Variants in ZNF761 observed in about 807,000 individuals in gnomAD.
ZNF761 encodes zinc finger protein 761.
Under a neutral mutation model 59.9 loss-of-function variants are expected in ZNF761, and 43 were observed. That is an observed-to-expected ratio of 0.72 (90% CI 0.56 to 0.92). The LOEUF is 0.92. Among genes scored for constraint, ZNF761 ranks in the 40% least tolerant of loss-of-function variants. The pLI is 0.00. For missense variants in ZNF761, 850 were observed against 906.1 expected, an observed-to-expected ratio of 0.94 and a Z score of 0.79; for synonymous variants, 294 against 304.8, an observed-to-expected ratio of 0.96 and a Z score of 0.37.
At chr19:53,445,536 G>A (rs892166039) in intron 1 of ZNF761, among the ~76,000 whole-genome samples, 14 of 152,030 alleles carry the variant, frequency 9.2e-5, no homozygotes, top group Non-Finnish European at 1.5e-4. Context: ...GGAGATGAGG[G>A]GCTAGACCAG....
In ZNF761 at chr19:53,432,642, A is replaced by G. The variant is rs559874040; in HGVS notation, c.-185+614A>G. On this transcript the variant is annotated intron_variant, in intron 1 of 4. Coordinates refer to ENST00000684525, the MANE Select transcript of ZNF761 (RefSeq NM_001289951.2). ...CCGGGATGCAGGCGTCTTACTCCAA[A>G]CCCTCCTGTGACTGTGTGGGCCAAA... 9.9e-5 allele frequency among the ~76,000 whole-genome samples: 15 copies of G among 152,152 alleles called. 1 individual carries two copies. In the South Asian group the frequency reaches 3.1e-3, roughly 32 times the overall value.
intron 1 of ZNF761, chr19:53,442,232 G>A: frequency 1.7e-6 from 2 of 1,190,864 alleles, no homozygotes; most frequent in Non-Finnish European, 2.5e-6. Flanking sequence ...AGGCAGATGG[G>A]AAGTATGAAG....
Position 53,433,076 on chromosome 19 carries a change from G to A in ZNF761, c.-185+1048G>A, listed in dbSNP as rs564307427. Among the ~76,000 whole-genome samples the A allele has an allele frequency of 8.1e-4, 112 of 138,784 alleles. 1 individual carries two copies. The highest frequency in any genetic ancestry group is 3.3e-3 in the East Asian group (15 of 4,532). 91.0% of individuals were successfully genotyped at this position (138,784 alleles called of 152,430 possible). On this transcript the variant is annotated intron_variant, in intron 1 of 4. Coordinates refer to ENST00000684525, the MANE Select transcript of ZNF761 (RefSeq NM_001289951.2). ...TATAACAGGGAAGAGAGAATTTAAC[G>A]GGGAGAGCAAAGGAGGCGCAGAGAT...
chr19:53,437,395 G>C (rs73595246), intron 1 of ZNF761, among the ~76,000 whole-genome samples: 1,566 of 151,892 alleles, frequency 0.01, 26 homozygotes, highest in African/African-American at 0.035. Flanking sequence ...TGATGGATTT[G>C]CTTCACAAAC....
At chr19:53,453,180 T>A (rs1281187815) in intron 4 of ZNF761, among the ~76,000 whole-genome samples, 1 of 152,130 alleles carries the variant, frequency 6.6e-6, no homozygotes, top group Non-Finnish European at 1.5e-5. Flanking sequence ...TTTTTTGTAT[T>A]TTTAGTAGAG....
chr19:53,441,700 G>T lies in ZNF761; in HGVS notation c.-184-4527G>T, dbSNP rs2086102517. ...GACCTCAGGTGATCCACTCGCCTTGGCCTCCCCAAAGTGCTGGGATTACAG... is the reference window on the plus strand; with the variant it reads ...GACCTCAGGTGATCCACTCGCCTTGTCCTCCCCAAAGTGCTGGGATTACAG... On this transcript the variant is annotated intron_variant, in intron 1 of 4. Transcript: ENST00000684525. 5 of 548,758 alleles carry T rather than the reference G, an allele frequency of 9.1e-6. No individual in the cohort carries two copies. The South Asian group carries it at 9.1e-5, about 10-fold the overall frequency. The allele number at this position is 548,758 out of a possible 1,614,324, so 34.0% of individuals were successfully genotyped here. A position where few individuals can be genotyped will look rare whatever the true frequency, so the allele number is the denominator to read the frequency against.
intron 1 of ZNF761, among the ~76,000 whole-genome samples, chr19:53,445,791 A>C (rs1270803309): frequency 6.6e-6 from 1 of 152,204 alleles, no homozygotes; most frequent in Non-Finnish European, 1.5e-5. Flanking sequence ...AGGACATCAC[A>C]GCAAAATCTA....
chr19:53,445,638 C>G (rs1311339122), intron 1 of ZNF761, among the ~76,000 whole-genome samples: 1 of 151,642 alleles, frequency 6.6e-6, no homozygotes, highest in African/African-American at 2.4e-5. Context: ...AGGGGAGTGC[C>G]CAGCTGTAAT....
At position 53,457,209 on chromosome 19, in the gene ZNF761, C is replaced by T; in HGVS notation, c.*461C>T. 1 of 491,524 alleles carries T rather than the reference C, an allele frequency of 2.0e-6. No individual in the cohort carries two copies. The highest frequency in any genetic ancestry group is 1.6e-5 in the South Asian group (1 of 62,854). 30.4% of individuals were successfully genotyped at this position (491,524 alleles called of 1,614,324 possible). ...CAGTAATGCTACAACCATTGTGAATCACTGGAGAATCCATAAGGAAGAGAG... is the reference window on the plus strand; with the variant it reads ...CAGTAATGCTACAACCATTGTGAATTACTGGAGAATCCATAAGGAAGAGAG... On this transcript the variant is annotated 3_prime_UTR_variant, in exon 5 of 5. Transcript: ENST00000684525.
Position 53,456,564 on chromosome 19 carries a change from G to C in ZNF761, c.2057G>C (p.Gly686Ala), listed in dbSNP as rs372178677. 17 of 1,612,044 alleles carry C rather than the reference G, an allele frequency of 1.1e-5. No homozygotes were observed. Among genetic ancestry groups the C allele is most frequent in the Non-Finnish European group, 1.4e-5 (17 of 1,178,714 alleles). Reference sequence around the variant, plus strand: ...ATATGCCATCATAGACTTCATACTGGAGAGAAACCTTATAAGTGTAATGAG... The same window carrying C: ...ATATGCCATCATAGACTTCATACTGCAGAGAAACCTTATAAGTGTAATGAG... ...YFICHHRLHT[G>A]EKPYKCNECG... Residue 686 changes from glycine (G) to alanine (A), a missense_variant, in exon 5 of 5, where the codon GGA becomes GCA. By Grantham distance (60) the Gly-to-Ala change is moderately conservative (BLOSUM62 0). Coordinates refer to ENST00000684525, the MANE Select transcript of ZNF761 (RefSeq NM_001289951.2).
At chr19:53,434,171 G>A (rs1568797421) in intron 1 of ZNF761, among the ~76,000 whole-genome samples, 2 of 152,144 alleles carry the variant, frequency 1.3e-5, no homozygotes, top group East Asian at 1.9e-4. Flanking sequence ...CAATACCTTC[G>A]TGACTTATCT....
At chr19:53,452,178 G>A (rs569031728) in intron 4 of ZNF761, among the ~76,000 whole-genome samples, 1 of 152,044 alleles carries the variant, frequency 6.6e-6, no homozygotes, top group East Asian at 1.9e-4. Flanking sequence ...GTGAAACCTC[G>A]AATCTACTAA....
In ZNF761 at chr19:53,448,800, A is replaced by G. The variant is rs112047204; in HGVS notation, c.16-712A>G. On this transcript the variant is annotated intron_variant, in intron 3 of 4. Coordinates refer to ENST00000684525, the MANE Select transcript of ZNF761 (RefSeq NM_001289951.2). ...ATTTTTTTTTTTTTTTTTTTGAGAT[A>G]TAGTCTCTGTTGCCCAGGCTGGAGT... Among the ~76,000 whole-genome samples, 1,344 of 136,072 alleles carry G rather than the reference A, an allele frequency of 9.9e-3. 23 individuals are homozygous for G. Among genetic ancestry groups the G allele is most frequent in the African/African-American group, 0.035 (1,258 of 35,818 alleles). The allele number at this position is 136,072 out of a possible 152,430, so 89.3% of individuals were successfully genotyped here.
chr19:53,445,664 G>C (rs2086149783), intron 1 of ZNF761, among the ~76,000 whole-genome samples: 1 of 151,926 alleles, frequency 6.6e-6, no homozygotes. Context: ...TTTTAAATGG[G>C]ATGCAGTACC....
At chr19:53,449,799 C>G in intron 4 of ZNF761, 161 bp downstream of exon 4, 3 of 1,432,268 alleles carry the variant, frequency 2.1e-6, no homozygotes, top group Non-Finnish European at 2.8e-6. Context: ...AGTGATTGTC[C>G]CACCTCAGCC....
rs560246002 is a variant in ZNF761 at position 53,436,210 on chromosome 19, C to T, written c.-185+4182C>T. Among the ~76,000 whole-genome samples, 61 of 152,286 alleles carry T rather than the reference C, an allele frequency of 4.0e-4. 1 individual carries two copies. In the South Asian group the frequency reaches 8.7e-3, roughly 22 times the overall value. On this transcript the variant is annotated intron_variant, in intron 1 of 4. Transcript: ENST00000684525. ...ACAGCAGTGGGAGTGGACAAGATTA[C>T]AGTACAGGGCCCATCCTATATGAGT...
chr19:53,452,975 C>T (rs1489250614), intron 4 of ZNF761, among the ~76,000 whole-genome samples: 1 of 152,148 alleles, frequency 6.6e-6, no homozygotes, highest in African/African-American at 2.4e-5. Context: ...TTTCTCTGAT[C>T]TTAGTTTAAA....
Position 53,457,345 on chromosome 19 carries a change from A to G in ZNF761, c.*597A>G. 1 of 403,710 alleles carries G rather than the reference A, an allele frequency of 2.5e-6. No homozygotes were observed. The allele number at this position is 403,710 out of a possible 1,614,324, so 25.0% of individuals were successfully genotyped here. On this transcript the variant is annotated 3_prime_UTR_variant, in exon 5 of 5. Transcript: ENST00000684525. ...ACCTTACAAATGTCATGACTGTGGCAAGGTCTTCAGTCAAGCTTCATCCTA... is the reference window on the plus strand; with the variant it reads ...ACCTTACAAATGTCATGACTGTGGCGAGGTCTTCAGTCAAGCTTCATCCTA...
At position 53,456,069 on chromosome 19, in the gene ZNF761, C is replaced by G. The variant is rs548657747; in HGVS notation, c.1562C>G (p.Ala521Gly). Residue 521 changes from alanine to glycine, a missense_variant, in exon 5 of 5, where the codon GCT becomes GGT. Coordinates refer to ENST00000684525, the MANE Select transcript of ZNF761 (RefSeq NM_001289951.2). ...CATAGACTTCATACTGGAGAGAAAG[C>G]TTACAAGTGTAATGAGTGCGGCAAG... ...CHHRLHTGEK[A>G]YKCNECGKTF... The G allele has an allele frequency of 1.9e-6, 3 of 1,598,562 alleles. No homozygotes were observed. The highest frequency in any genetic ancestry group is 2.6e-6 in the Non-Finnish European group (3 of 1,168,748).
Sources: allele counts gnomAD v4.1 joint callset (sites outside exome capture counted in the v4.1 genomes callset), GRCh38; gene constraint gnomAD v4.1.1; transcripts MANE v1.5; gene names NCBI Gene and HGNC (gene_info 2026-07-23, HGNC 2026-07-21).